JPH2: variants seen among roughly 807,000 people sequenced by gnomAD.
The protein encoded by JPH2 is junctophilin-2.
A neutral mutation model predicts 55.9 loss-of-function variants in JPH2; 38 were observed. That is an observed-to-expected ratio of 0.68 (90% CI 0.52 to 0.89). The LOEUF is 0.89. Among genes scored for constraint, JPH2 ranks in the 40% least tolerant of loss-of-function variants. The pLI, the probability that JPH2 is intolerant of heterozygous loss-of-function variation, is 0.00. For missense variants in JPH2, 964 were observed against 1,037.6 expected, an observed-to-expected ratio of 0.93 and a Z score of 0.97; for synonymous variants, 480 against 472.4, an observed-to-expected ratio of 1.02 and a Z score of -0.21.
At chr20:44,182,423 T>A (rs1014639271) in intron 1 of JPH2, among the ~76,000 whole-genome samples, 3 of 152,218 alleles carry the variant, frequency 2.0e-5, no homozygotes, top group African/African-American at 7.2e-5. Flanking sequence ...TCTGGGGCTC[T>A]GACAAACCAA....
Position 44,106,926 on chromosome 20 carries a change from C to A in JPH2, c.*6592G>T, listed in dbSNP as rs183768170. ...ACAGAGCAAGGGAGGGGTATAAAAG[C>A]CCAATGGGAGATGCTCTACAAGCAA... On this transcript the variant is annotated 3_prime_UTR_variant, in exon 6 of 6. Coordinates refer to ENST00000372980, the MANE Select transcript of JPH2 (RefSeq NM_020433.5). 6.6e-6 allele frequency among the ~76,000 whole-genome samples: 1 copy of A among 152,222 alleles called. No individual in the cohort carries two copies. Among genetic ancestry groups the A allele is most frequent in the East Asian group, 1.9e-4 (1 of 5,182 alleles).
chr20:44,186,306 C>A, intron 1 of JPH2, 21 bp downstream of exon 1: 1 of 1,608,480 alleles, frequency 6.2e-7, no homozygotes, highest in Non-Finnish European at 8.5e-7. Context: ...CCCACCTCTG[C>A]GGGCCCCCAG....
intron 2 of JPH2, among the ~76,000 whole-genome samples, chr20:44,158,762 G>T (rs1005608597): frequency 1.3e-5 from 2 of 152,166 alleles, no homozygotes; most frequent in East Asian, 3.8e-4. Flanking sequence ...TGGCTGGCTG[G>T]GTAGCTGGAT....
At chr20:44,184,134 G>T (rs2072811075) in intron 1 of JPH2, among the ~76,000 whole-genome samples, 1 of 152,184 alleles carries the variant, frequency 6.6e-6, no homozygotes, top group Non-Finnish European at 1.5e-5. Flanking sequence ...TCCAGCCTGG[G>T]CGACAGAGTA....
At chr20:44,147,483 C>T (rs912476255) in intron 2 of JPH2, among the ~76,000 whole-genome samples, 3 of 152,140 alleles carry the variant, frequency 2.0e-5, no homozygotes, top group African/African-American at 4.8e-5. Flanking sequence ...ACATCAAAAA[C>T]GCAAGTTCCA....
intron 2 of JPH2, among the ~76,000 whole-genome samples, chr20:44,119,657 A>T (rs1347790852): frequency 2.0e-5 from 3 of 152,116 alleles, no homozygotes; most frequent in Non-Finnish European, 4.4e-5. Flanking sequence ...GCGGATCACG[A>T]GGTCAGGAGA....
chr20:44,129,573 A>AAAAAAAAAAAAC (rs2072302119), intron 2 of JPH2, among the ~76,000 whole-genome samples: 1 of 112,408 alleles, frequency 8.9e-6, no homozygotes, highest in Non-Finnish European at 2.0e-5. Context: ...AAAAAAACAA[A>AAAAAAAAAAAAC]AAAAACAAAA....
intron 2 of JPH2, among the ~76,000 whole-genome samples, chr20:44,158,718 T>G (rs2072582447): frequency 6.6e-6 from 1 of 151,220 alleles, no homozygotes. Flanking sequence ...GTGGGGGAGG[T>G]TGAATGAATA....
chr20:44,137,724 G>C (rs982404521), intron 2 of JPH2, among the ~76,000 whole-genome samples: 2 of 152,334 alleles, frequency 1.3e-5, no homozygotes, highest in Admixed American at 6.5e-5. Flanking sequence ...TCCAGAGGAG[G>C]TTCCAACCCC....
chr20:44,116,142 G>C lies in JPH2; in HGVS notation c.1533C>G (p.Ala511=). 7.0e-7 allele frequency: 1 copy of C among 1,434,292 alleles called. No individual in the cohort carries two copies. The highest frequency in any genetic ancestry group is 9.1e-7 in the Non-Finnish European group (1 of 1,104,134). 88.8% of individuals were successfully genotyped at this position (1,434,292 alleles called of 1,614,324 possible). A position where few individuals can be genotyped will look rare whatever the true frequency, so the allele number is the denominator to read the frequency against. Residue 511 remains alanine (A), a synonymous_variant, in exon 4 of 6, where the codon GCC becomes GCG. Coordinates refer to ENST00000372980, the MANE Select transcript of JPH2 (RefSeq NM_020433.5). ...CCTCACCGCTGGGCTCGCCGTTCCA[G>C]GCGCCTGGGCTCAGCAGGCCGTCCT... is the stretch of plus-strand genomic sequence containing the variant. ...VSKDGLLSPG[A]WNGEPSGEGS...
chr20:44,151,954 C>G (rs1363492225), intron 2 of JPH2, among the ~76,000 whole-genome samples: 5 of 152,194 alleles, frequency 3.3e-5, no homozygotes, highest in African/African-American at 4.8e-5. Flanking sequence ...CCAGAGGTGG[C>G]CCCTGCAGGG....
chr20:44,124,979 C>T (rs928382059), intron 2 of JPH2, among the ~76,000 whole-genome samples: 5 of 124,396 alleles, frequency 4.0e-5, no homozygotes, highest in East Asian at 3.9e-4. Context: ...CACGGTGGTG[C>T]GCACCTGTAG....
chr20:44,160,242 G>T lies in JPH2; in HGVS notation c.545C>A (p.Ser182Ter), dbSNP rs1222724262. The T allele has an allele frequency of 6.7e-7, 1 of 1,503,198 alleles. No individual in the cohort carries two copies. The highest frequency in any genetic ancestry group is 2.1e-5 in the Admixed American group (1 of 47,530). 93.1% of individuals were successfully genotyped at this position (1,503,198 alleles called of 1,614,324 possible). Reference protein sequence around the residue: ...NGTVAPDSPASPASDGPALPS... With the variant: ...NGTVAPDSPA ...CAGCGCGGGGCCGTCGGAGGCCGGC[G>T]AGGCGGGAGAGTCCGGGGCCACCGT... The change falls in exon 2 of 6, where the codon TCG becomes TAG. Residue 182 changes from serine to a stop codon, truncating the protein, a stop_gained. Coordinates refer to ENST00000372980, the MANE Select transcript of JPH2 (RefSeq NM_020433.5). LOFTEE classifies it high-confidence loss of function. This position sits in a 1 kb window ranked among gnomAD's most constrained non-coding sequence, Gnocchi z 4.9.
intron 1 of JPH2, among the ~76,000 whole-genome samples, chr20:44,185,842 G>A (rs2072834101): frequency 6.6e-6 from 1 of 151,868 alleles, no homozygotes; most frequent in Non-Finnish European, 1.5e-5. Flanking sequence ...TGAATGGATG[G>A]ATGGACGGGT....
At chr20:44,172,342 A>G (rs1010878544) in intron 1 of JPH2, among the ~76,000 whole-genome samples, 1 of 152,178 alleles carries the variant, frequency 6.6e-6, no homozygotes, top group Non-Finnish European at 1.5e-5. Context: ...TTTAGGACAA[A>G]CCAACCAACC....
chr20:44,156,439 G>T (rs2072567189), intron 2 of JPH2, among the ~76,000 whole-genome samples: 1 of 152,152 alleles, frequency 6.6e-6, no homozygotes, highest in Admixed American at 6.5e-5. Context: ...ATGAGCACCT[G>T]GTCATAAGCC....
chr20:44,142,872 G>A (rs2072467706), intron 2 of JPH2, among the ~76,000 whole-genome samples: 1 of 152,172 alleles, frequency 6.6e-6, no homozygotes, highest in South Asian at 2.1e-4. Flanking sequence ...CCATTACAGT[G>A]TGTTTAAGGC....
chr20:44,145,334 G>A (rs968805296), intron 2 of JPH2, among the ~76,000 whole-genome samples: 1 of 152,188 alleles, frequency 6.6e-6, no homozygotes, highest in South Asian at 2.1e-4. Flanking sequence ...ACCAGGCGCG[G>A]TGGCCCATGG....
rs2072123978 is a variant in JPH2, at chr20:44,108,878, A to G, written c.*4640T>C. ...ACACTCTCTCCAGACCTGTTTCCCC[A>G]TATGAAAAACAGGGGGCCAGATGAG... On this transcript the variant is annotated 3_prime_UTR_variant, in exon 6 of 6. Transcript: ENST00000372980. Among the ~76,000 whole-genome samples, 1 of 152,150 alleles carries G rather than the reference A, an allele frequency of 6.6e-6. No individual in the cohort carries two copies. Among genetic ancestry groups the G allele is most frequent in the Non-Finnish European group, 1.5e-5 (1 of 68,032 alleles).
Sources: allele counts gnomAD v4.1 joint callset (sites outside exome capture counted in the v4.1 genomes callset), GRCh38; gene constraint gnomAD v4.1.1; non-coding constraint Gnocchi (gnomAD v3.1); transcripts MANE v1.5; gene names NCBI Gene and HGNC (gene_info 2026-07-23, HGNC 2026-07-21).